RGS6: variants seen among roughly 807,000 people sequenced by gnomAD.
RGS6 encodes regulator of G-protein signaling 6.
In RGS6, 30 loss-of-function variants were observed where a neutral mutation model predicts 78.5. That is an observed-to-expected ratio of 0.38 (90% CI 0.29 to 0.52). The LOEUF (loss-of-function observed/expected upper bound fraction) is 0.52. Ranked by LOEUF, RGS6 falls within the 20% of genes least tolerant of loss-of-function variation. The probability of loss-of-function intolerance (pLI) is 0.85; values close to 1 mark genes in which losing one functional copy is unlikely to be tolerated. For missense variants in RGS6, 495 were observed against 609.7 expected (o/e 0.81, Z 1.98); for synonymous variants, 206 against 206.0 (o/e 1.00, Z 0.00).
intron 3 of RGS6, among the ~76,000 whole-genome samples, chr14:72,389,409 C>T (rs1490123690): frequency 6.6e-6 from 1 of 152,180 alleles, no homozygotes; most frequent in African/African-American, 2.4e-5. Context: ...GTCTGTTTGT[C>T]CTCACCCGGC....
intron 2 of RGS6, among the ~76,000 whole-genome samples, chr14:72,056,575 A>G (rs780666190): frequency 1.3e-5 from 2 of 152,214 alleles, no homozygotes; most frequent in Admixed American, 6.5e-5. Flanking sequence ...TTAGTTGACA[A>G]TCACTTTTAT....
At chr14:71,921,452 AAG>A in the RGS6 span, among the ~76,000 whole-genome samples, 3 of 152,272 alleles carry the variant, frequency 2.0e-5, no homozygotes, top group African/African-American at 7.2e-5. Context: ...CACAATAGCC[AAG>A]ATATGGAATC....
chr14:72,586,478 C>T, the RGS6 span, among the ~76,000 whole-genome samples: 1 of 152,210 alleles, frequency 6.6e-6, no homozygotes, highest in Admixed American at 6.5e-5. Context: ...TGGTGTCATG[C>T]TTCTTGTACA....
the RGS6 span, among the ~76,000 whole-genome samples, chr14:71,882,297 A>G: frequency 3.3e-5 from 5 of 152,194 alleles, no homozygotes; most frequent in African/African-American, 1.2e-4. Flanking sequence ...TTATGGCTGA[A>G]TAATATTCCA....
intron 2 of RGS6, among the ~76,000 whole-genome samples, chr14:72,091,109 C>T (rs1048575488): frequency 1.5e-4 from 21 of 136,698 alleles, no homozygotes; most frequent in Admixed American, 1.5e-3. Context: ...AGCTGCCTTC[C>T]TCCAGGGAGG....
chr14:72,115,705 C>A (rs2095870782), intron 2 of RGS6, among the ~76,000 whole-genome samples: 2 of 152,242 alleles, frequency 1.3e-5, no homozygotes, highest in Non-Finnish European at 2.9e-5. Flanking sequence ...GCTACTGCTT[C>A]AGTTCCTTCT....
chr14:71,881,054 A>G, the RGS6 span, among the ~76,000 whole-genome samples: 1 of 152,204 alleles, frequency 6.6e-6, no homozygotes, highest in African/African-American at 2.4e-5. Flanking sequence ...ATGGAGTCAA[A>G]AGAGATCATT....
intron 2 of RGS6, among the ~76,000 whole-genome samples, chr14:72,265,532 A>G (rs2058893080): frequency 1.3e-5 from 2 of 152,132 alleles, no homozygotes; most frequent in South Asian, 4.1e-4. Context: ...TCATCCCATT[A>G]GTAGTGACGT....
At chr14:71,909,107 A>C in the RGS6 span, among the ~76,000 whole-genome samples, 2 of 152,148 alleles carry the variant, frequency 1.3e-5, no homozygotes, top group African/African-American at 4.8e-5. Flanking sequence ...AATAGCCTCT[A>C]CCTTTAAAGA....
intron 2 of RGS6, among the ~76,000 whole-genome samples, chr14:72,006,400 C>G (rs1488998897): frequency 6.6e-6 from 1 of 152,228 alleles, no homozygotes; most frequent in Non-Finnish European, 1.5e-5. Flanking sequence ...GACCATATGT[C>G]ACTTCCAAGA....
intron 17 of RGS6, chr14:72,540,470 G>T: frequency 6.5e-7 from 1 of 1,535,558 alleles, no homozygotes. Context: ...AAATAAATTG[G>T]CTCAGAACCA....
At chr14:72,505,921 C>G (rs1024592900) in intron 13 of RGS6, among the ~76,000 whole-genome samples, 15 of 152,198 alleles carry the variant, frequency 9.9e-5, no homozygotes, top group African/African-American at 3.6e-4. Flanking sequence ...TAACTTTCCT[C>G]CATCTCTAGC....
At chr14:72,472,572 A>G (rs2096113493) in intron 8 of RGS6, among the ~76,000 whole-genome samples, 1 of 152,196 alleles carries the variant, frequency 6.6e-6, no homozygotes, top group Admixed American at 6.5e-5. Context: ...AAATCTTAAT[A>G]CTTCAGATGA....
chr14:72,263,812 A>G (rs1399866283), intron 2 of RGS6, among the ~76,000 whole-genome samples: 1 of 152,234 alleles, frequency 6.6e-6, no homozygotes, highest in Non-Finnish European at 1.5e-5. Context: ...GTTGTTTATC[A>G]GCCACCCAGT....
chr14:71,869,967 T>C, the RGS6 span, among the ~76,000 whole-genome samples: 1 of 152,202 alleles, frequency 6.6e-6, no homozygotes, highest in South Asian at 2.1e-4. Flanking sequence ...GATATTGGAC[T>C]TCTCATCCTC....
chr14:72,078,802 A>G (rs2094697889), intron 2 of RGS6, among the ~76,000 whole-genome samples: 1 of 152,114 alleles, frequency 6.6e-6, no homozygotes, highest in South Asian at 2.1e-4. Context: ...ATTCTTCTGA[A>G]TCCAAGCCTC....
the RGS6 span, among the ~76,000 whole-genome samples, chr14:72,606,690 C>T: frequency 1.4e-4 from 21 of 152,326 alleles, no homozygotes; most frequent in South Asian, 3.9e-3. Context: ...CACCAAATTC[C>T]GTGTTGAAAT....
intron 3 of RGS6, among the ~76,000 whole-genome samples, chr14:72,413,692 C>T (rs1312281558): frequency 6.6e-6 from 1 of 152,192 alleles, no homozygotes. Flanking sequence ...CATGTTTTTG[C>T]AGTGGCTGGT....
At chr14:72,582,025 G>A in the RGS6 span, among the ~76,000 whole-genome samples, 327 of 152,314 alleles carry the variant, frequency 2.1e-3, no homozygotes, top group African/African-American at 7.4e-3. Context: ...AAACCCAGAG[G>A]TATTTTGGCT....
Sources: allele counts gnomAD v4.1 joint callset (sites outside exome capture counted in the v4.1 genomes callset), GRCh38; gene constraint gnomAD v4.1.1; transcripts MANE v1.5; gene names NCBI Gene and HGNC (gene_info 2026-07-23, HGNC 2026-07-21).